EPC1: variants seen among roughly 807,000 people sequenced by gnomAD.
The protein encoded by EPC1 is enhancer of polycomb 1, also known as enhancer of polycomb homolog 1.
EPC1 carries 12 observed loss-of-function variants against 98.4 expected under a neutral mutation model. The ratio of observed to expected loss-of-function variants is 0.12; its 90% CI spans 0.08 to 0.20. The LOEUF (loss-of-function observed/expected upper bound fraction) is 0.20. Among genes scored for constraint, EPC1 ranks in the 10% least tolerant of loss-of-function variants. The probability of loss-of-function intolerance (pLI) is 1.00; values close to 1 mark genes in which losing one functional copy is unlikely to be tolerated. For missense variants in EPC1, 729 were observed against 990.5 expected, an observed-to-expected ratio of 0.74 and a Z score of 3.54; for synonymous variants, 357 against 363.9, an observed-to-expected ratio of 0.98 and a Z score of 0.21.
At chr10:32,378,731 G>A (rs1424449850) in exon 1 of EPC1, 1 of 429,616 alleles carries the variant, frequency 2.3e-6, no homozygotes, top group African/African-American at 2.0e-5. Flanking sequence ...AAGATTAAAA[G>A]CAGAGGAGGC....
intron 10 of EPC1, among the ~76,000 whole-genome samples, chr10:32,280,459 G>A (rs949177465): frequency 4.0e-5 from 6 of 151,430 alleles, no homozygotes; most frequent in Non-Finnish European, 1.5e-5. Flanking sequence ...TCAAAAAAAA[G>A]GCCAGGCACG....
At chr10:32,340,722 G>A (rs1275193454) in intron 1 of EPC1, among the ~76,000 whole-genome samples, 2 of 152,116 alleles carry the variant, frequency 1.3e-5, no homozygotes, top group Non-Finnish European at 2.9e-5. Flanking sequence ...TACTTGTAAG[G>A]CTGAGGTGAG....
rs543408060 is a variant in EPC1, at chr10:32,331,946, C to T, written c.153+14817G>A. Among the ~76,000 whole-genome samples the T allele has an allele frequency of 2.0e-5, 3 of 152,308 alleles. No homozygotes were observed. The South Asian group carries it at 6.2e-4, about 32-fold the overall frequency. ...CCCATAAAGCACAGCTTAAATCTTA[C>T]TTTATTAGTCTCATTCCAAAAGCTC... On this transcript the variant is annotated intron_variant, in intron 1 of 13. Coordinates refer to ENST00000319778, the MANE Select transcript of EPC1 (RefSeq NM_001272004.3).
intron 10 of EPC1, among the ~76,000 whole-genome samples, chr10:32,278,920 T>C (rs1042643200): frequency 6.6e-6 from 1 of 152,330 alleles, no homozygotes; most frequent in Middle Eastern, 3.4e-3. Context: ...ATGAGATTAT[T>C]TGCAGTCAAA....
intron 1 of EPC1, among the ~76,000 whole-genome samples, chr10:32,353,234 G>A (rs141082158): frequency 2.9e-4 from 44 of 151,928 alleles, no homozygotes; most frequent in Non-Finnish European, 4.7e-4. Flanking sequence ...AGTGAAGTGC[G>A]AACTAGAATC....
At chr10:32,352,912 T>C (rs190008415) in intron 1 of EPC1, among the ~76,000 whole-genome samples, 1 of 152,134 alleles carries the variant, frequency 6.6e-6, no homozygotes, top group African/African-American at 2.4e-5. Context: ...TCCCAGCACT[T>C]TGGGAGGCTG....
chr10:32,376,537 A>G (rs916941400), intron 1 of EPC1, among the ~76,000 whole-genome samples: 3 of 152,074 alleles, frequency 2.0e-5, no homozygotes, highest in African/African-American at 7.2e-5. Flanking sequence ...AATAGCTAAA[A>G]TGTTACAGTG....
intron 2 of EPC1, among the ~76,000 whole-genome samples, chr10:32,296,012 C>T (rs972467112): frequency 4.0e-5 from 6 of 151,782 alleles, no homozygotes; most frequent in African/African-American, 9.7e-5. Context: ...CAACCTCTGC[C>T]GCCCGGGTTC....
At chr10:32,315,506 A>AAT (rs1836500648) in intron 1 of EPC1, among the ~76,000 whole-genome samples, 2 of 152,246 alleles carry the variant, frequency 1.3e-5, no homozygotes, top group South Asian at 2.1e-4. Context: ...ACAGCTTATT[A>AAT]AAAGCAACAA....
intron 1 of EPC1, among the ~76,000 whole-genome samples, chr10:32,370,077 A>G (rs1156364437): frequency 2.6e-5 from 4 of 152,206 alleles, no homozygotes; most frequent in Non-Finnish European, 5.9e-5. Context: ...TTTTATATAT[A>G]TTTTAAAAAC....
At position 32,346,929 on chromosome 10, in the gene EPC1, G is replaced by A. The variant is rs1318232159; in HGVS notation, c.-14C>T. On this transcript the variant is annotated 5_prime_UTR_variant, in exon 1 of 14. Coordinates refer to ENST00000319778, the MANE Select transcript of EPC1 (RefSeq NM_001272004.3). ...CAGTTTACTCATCTCAGGCGCAGCA[G>A]ATACCTCTCCGCTCTGGGGAAACGG... is the stretch of plus-strand genomic sequence containing the variant. 1 of 1,612,406 alleles carries A rather than the reference G, an allele frequency of 6.2e-7. No homozygotes were observed. The highest frequency in any genetic ancestry group is 2.2e-5 in the East Asian group (1 of 44,830).
intron 1 of EPC1, among the ~76,000 whole-genome samples, chr10:32,326,413 C>G (rs1837281551): frequency 6.6e-6 from 1 of 152,120 alleles, no homozygotes; most frequent in African/African-American, 2.4e-5. Context: ...CTGTATCACC[C>G]TGGTTCCCCT....
intron 1 of EPC1, among the ~76,000 whole-genome samples, chr10:32,341,317 CTG>C (rs955653800): frequency 3.9e-5 from 4 of 102,722 alleles, no homozygotes; most frequent in African/African-American, 6.4e-5. Context: ...GGACACATGT[CTG>C]TGTGTGTGTG....
chr10:32,306,044 T>A, intron 1 of EPC1, 113 bp from the exon 2 acceptor site: 1 of 880,040 alleles, frequency 1.1e-6, no homozygotes, highest in Non-Finnish European at 1.6e-6. Context: ...GAGATTCTAG[T>A]AGTAGATCTT....
chr10:32,352,242 T>G (rs989258751), intron 1 of EPC1, among the ~76,000 whole-genome samples: 8 of 150,524 alleles, frequency 5.3e-5, no homozygotes, highest in African/African-American at 2.0e-4. Flanking sequence ...AGAGATGGGG[T>G]TTCACTGTGT....
intron 1 of EPC1, among the ~76,000 whole-genome samples, chr10:32,361,720 T>C (rs1839449428): frequency 6.6e-6 from 1 of 152,162 alleles, no homozygotes; most frequent in Admixed American, 6.5e-5. Flanking sequence ...AATAGTCAAT[T>C]TACAGCCCCA....
In EPC1 at chr10:32,305,773, C is replaced by T. The variant is rs751327660; in HGVS notation, c.312G>A (p.Gln104=). 14 of 1,590,558 alleles carry T rather than the reference C, an allele frequency of 8.8e-6. No homozygotes were observed. The highest frequency in any genetic ancestry group is 1.0e-5 in the Non-Finnish European group (12 of 1,172,094). ...FKMPKQLIHI[Q]PFSLDAEQPD... is the part of the protein sequence containing the mutation. ...ATCATTAAGAGAATCATTACTTACG[C>T]TGTATGTGAATGAGCTGCTTTGGCA... is the stretch of plus-strand genomic sequence containing the variant. The change falls in exon 2 of 14, where the codon CAG becomes CAA. Residue 104 remains glutamine, a splice_region_variant and synonymous_variant. Transcript: ENST00000319778.
At chr10:32,303,718 T>C (rs1835710923) in intron 2 of EPC1, among the ~76,000 whole-genome samples, 1 of 152,194 alleles carries the variant, frequency 6.6e-6, no homozygotes, top group South Asian at 2.1e-4. Context: ...GTCTTGATAG[T>C]GGTGGTGGTT....
intron 1 of EPC1, among the ~76,000 whole-genome samples, chr10:32,365,084 G>A (rs1019665221): frequency 1.3e-5 from 2 of 152,088 alleles, no homozygotes; most frequent in African/African-American, 4.8e-5. Context: ...ACATGCCCTA[G>A]GGAACGTAAC....
Sources: allele counts gnomAD v4.1 joint callset (sites outside exome capture counted in the v4.1 genomes callset), GRCh38; gene constraint gnomAD v4.1.1; transcripts MANE v1.5; gene names NCBI Gene and HGNC (gene_info 2026-07-23, HGNC 2026-07-21).